The following SYNE1 variants were observed in gnomAD, a reference collection of about 807,000 sequenced individuals.
SYNE1 encodes spectrin repeat containing nuclear envelope protein 1.
SYNE1 carries 616 observed loss-of-function variants against 1,111.0 expected under a neutral mutation model. That is an observed-to-expected ratio of 0.55 (90% CI 0.52 to 0.59). The LOEUF (loss-of-function observed/expected upper bound fraction) is 0.59. Ranked by LOEUF, SYNE1 falls within the 20% of genes least tolerant of loss-of-function variation. The pLI is 0.00. For synonymous variants in SYNE1, 3,855 were observed against 3,825.8 expected, an observed-to-expected ratio of 1.01 and a Z score of -0.28; for missense variants, 10,006 against 10,417.0, an observed-to-expected ratio of 0.96 and a Z score of 1.72.
chr6:152,147,724 A>G, intron 137 of SYNE1: 1 of 341,910 alleles, frequency 2.9e-6, no homozygotes, highest in East Asian at 7.9e-5. Flanking sequence ...CTGCCATCTG[A>G]GCCCCAAACA....
intron 3 of SYNE1, among the ~76,000 whole-genome samples, chr6:152,573,875 C>T (rs937454394): frequency 6.6e-6 from 1 of 152,060 alleles, no homozygotes; most frequent in Admixed American, 6.6e-5. Flanking sequence ...AGAAACAAAA[C>T]AGGTTCATTG....
At chr6:152,281,153 A>C (rs2094002848) in intron 97 of SYNE1, among the ~76,000 whole-genome samples, 2 of 152,258 alleles carry the variant, frequency 1.3e-5, no homozygotes, top group Non-Finnish European at 2.9e-5. Context: ...TATGAAGATC[A>C]TCATTGAAGT....
chr6:152,547,700 G>A (rs1013076211), intron 3 of SYNE1, among the ~76,000 whole-genome samples: 2 of 152,174 alleles, frequency 1.3e-5, no homozygotes, highest in East Asian at 3.8e-4. Flanking sequence ...AAAGGTATGA[G>A]TATTGTTGAA....
chr6:152,193,869 C>T (rs576620519), intron 127 of SYNE1, among the ~76,000 whole-genome samples: 26 of 151,720 alleles, frequency 1.7e-4, no homozygotes, highest in Non-Finnish European at 2.8e-4. Flanking sequence ...AAAAATTAGC[C>T]GGGCGTGGTG....
At chr6:152,212,581 T>C (rs956020628) in intron 123 of SYNE1, among the ~76,000 whole-genome samples, 7 of 152,216 alleles carry the variant, frequency 4.6e-5, no homozygotes, top group African/African-American at 1.7e-4. Context: ...AATGCTCCTA[T>C]AAATAATGTA....
At chr6:152,619,054 A>T (rs1224465469) in intron 3 of SYNE1, among the ~76,000 whole-genome samples, 1 of 152,090 alleles carries the variant, frequency 6.6e-6, no homozygotes, top group Non-Finnish European at 1.5e-5. Flanking sequence ...AATCACACAC[A>T]CACACACACA....
chr6:152,150,927 C>A (rs1169367350), intron 135 of SYNE1, among the ~76,000 whole-genome samples: 1 of 152,072 alleles, frequency 6.6e-6, no homozygotes, highest in African/African-American at 2.4e-5. Context: ...ACAACAACAA[C>A]AAGGCCAGGA....
In SYNE1 at chr6:152,416,947, C is replaced by G. The variant is rs1417532089; in HGVS notation, c.5490G>C (p.Leu1830Phe). 2 of 1,614,082 alleles carry G rather than the reference C, an allele frequency of 1.2e-6. No individual in the cohort carries two copies. Among genetic ancestry groups the G allele is most frequent in the African/African-American group, 1.3e-5 (1 of 74,942 alleles). The change falls in exon 41 of 146, where the codon TTG (leucine) becomes TTC (phenylalanine). Residue 1830 changes from leucine to phenylalanine, a missense_variant. Physicochemically the swap from Leu to Phe is conservative, Grantham distance 22. Coordinates refer to ENST00000367255, the MANE Select transcript of SYNE1 (RefSeq NM_182961.4). ...LQSLQGHLAK[L>F]GSLGRAEDLH... is the part of the protein sequence containing the mutation. ...GGTCCTCAGCACGGCCCAGAGAACC[C>G]AACTTTGCTAAGTGACCCTGCAGAC... is the stretch of plus-strand genomic sequence containing the variant.
intron 6 of SYNE1, among the ~76,000 whole-genome samples, chr6:152,514,903 T>C (rs919003794): frequency 9.9e-5 from 15 of 152,184 alleles, no homozygotes; most frequent in Non-Finnish European, 2.2e-4. Context: ...CAAAGCGGAC[T>C]AATGCACAGC....
At chr6:152,363,593 G>A (rs1178890389) in intron 63 of SYNE1, 1 of 200,932 alleles carries the variant, frequency 5.0e-6, no homozygotes, top group African/African-American at 2.4e-5. Context: ...GTACTACCAG[G>A]TTTTGGGTCC....
chr6:152,466,253 CAT>C (rs2098766608), intron 16 of SYNE1, among the ~76,000 whole-genome samples, 175 bp from the exon 17 acceptor site: 1 of 152,186 alleles, frequency 6.6e-6, no homozygotes, highest in Admixed American at 6.6e-5. Flanking sequence ...ATTCTGAACA[CAT>C]AAATTGATTC....
rs1366931939 is a variant in SYNE1, at chr6:152,217,129, T to G, written c.22191+1128A>C. ...TTTTTTTTTTTAAAAAAGTATTACA[T>G]TAGGCCTGTAATCCCAGCACTTTGG... On this transcript the variant is annotated intron_variant, in intron 121 of 145. Transcript: ENST00000367255. Among the ~76,000 whole-genome samples the G allele has an allele frequency of 2.3e-4, 34 of 145,024 alleles. 2 individuals are homozygous for G. Among genetic ancestry groups the G allele is most frequent in the South Asian group, 1.8e-3 (8 of 4,568 alleles).
At chr6:152,586,436 T>C (rs986997003) in intron 3 of SYNE1, among the ~76,000 whole-genome samples, 1 of 152,150 alleles carries the variant, frequency 6.6e-6, no homozygotes, top group African/African-American at 2.4e-5. Context: ...CTTCTTAAAT[T>C]CTCTTGCTGT....
rs2096943229 is a variant in SYNE1, at chr6:152,362,173, G to T, written c.10296C>A (p.Ala3432=). Residue 3432 remains alanine (A), a synonymous_variant, in exon 64 of 146, where the codon GCC becomes GCA. Transcript: ENST00000367255. Reference sequence around the variant, plus strand: ...GAATCTGAAATCCAGCTCTCACCTTGGCTTTTCCGAGCATCGTTGTTTTAT... The same window carrying T: ...GAATCTGAAATCCAGCTCTCACCTTTGCTTTTCCGAGCATCGTTGTTTTAT... The part of the protein sequence containing the change: ...LRDKTTMLGK[A]KLLNEEVLSY... 3 of 1,614,170 alleles carry T rather than the reference G, an allele frequency of 1.9e-6. No individual in the cohort carries two copies. The highest frequency in any genetic ancestry group is 2.5e-6 in the Non-Finnish European group (3 of 1,180,022).
intron 72 of SYNE1, among the ~76,000 whole-genome samples, chr6:152,348,395 C>T (rs1038467900): frequency 1.4e-4 from 22 of 152,126 alleles, no homozygotes; most frequent in Non-Finnish European, 5.9e-5. Flanking sequence ...TTTTAAAAAT[C>T]ACGTTCTGGC....
At position 152,329,803 on chromosome 6, in the gene SYNE1, G is replaced by A. The variant is rs774556402; in HGVS notation, c.14882C>T (p.Ala4961Val). The A allele has an allele frequency of 5.0e-6, 8 of 1,614,052 alleles. No homozygotes were observed. The highest frequency in any genetic ancestry group is 2.2e-5 in the South Asian group (2 of 91,084). Residue 4961 changes from alanine (A) to valine (V), a missense_variant, in exon 78 of 146, where the codon GCG becomes GTG. Coordinates refer to ENST00000367255, the MANE Select transcript of SYNE1 (RefSeq NM_182961.4). ...CTCAGCGAGGCTGTGTTCTAAATCC[G>A]CAGAAATCAGCTCCTTGGCCTTTGT... is the stretch of plus-strand genomic sequence containing the variant. ...KFTKAKELIS[A>V]DLEHSLAELS...
intron 115 of SYNE1, among the ~76,000 whole-genome samples, chr6:152,226,479 C>T (rs935415197): frequency 1.3e-5 from 2 of 152,138 alleles, no homozygotes; most frequent in Admixed American, 6.6e-5. Context: ...TTCTGAAAGG[C>T]TTCAGGCTTC....
At chr6:152,358,726 A>G (rs1344942439) in intron 65 of SYNE1, among the ~76,000 whole-genome samples, 189 bp from the exon 66 acceptor site, 1 of 152,238 alleles carries the variant, frequency 6.6e-6, no homozygotes, top group Non-Finnish European at 1.5e-5. Flanking sequence ...CAGGAATAAA[A>G]GTGTCATTAA....
At chr6:152,460,887 A>G (rs1470139278) in intron 21 of SYNE1, among the ~76,000 whole-genome samples, 1 of 138,730 alleles carries the variant, frequency 7.2e-6, no homozygotes, top group Non-Finnish European at 1.5e-5. Context: ...ATCTGGGCTC[A>G]CTGCAACCTC....
Sources: gnomAD v4.1 joint callset for allele counts (sites outside exome capture counted in the v4.1 genomes callset) on GRCh38, gnomAD v4.1.1 for gene constraint, MANE v1.5 for transcripts, NCBI Gene and HGNC (gene_info 2026-07-23, HGNC 2026-07-21) for gene names.